Variants in DOCK3 observed in about 807,000 individuals in gnomAD.
DOCK3 encodes the protein dedicator of cytokinesis protein 3.
Under a neutral mutation model 265.6 loss-of-function variants are expected in DOCK3, and 60 were observed. That is an observed-to-expected ratio of 0.23 (90% CI 0.18 to 0.28). The LOEUF (loss-of-function observed/expected upper bound fraction) is 0.28. Ranked by LOEUF, DOCK3 falls within the 10% of genes least tolerant of loss-of-function variation. The probability of loss-of-function intolerance (pLI) is 1.00; values close to 1 mark genes in which losing one functional copy is unlikely to be tolerated. For missense variants in DOCK3, 1,981 were observed against 2,594.3 expected (o/e 0.76, Z 5.14); for synonymous variants, 881 against 938.0 (o/e 0.94, Z 1.11).
intron 9 of DOCK3, among the ~76,000 whole-genome samples, chr3:51,119,696 C>T (rs1393272529): frequency 1.3e-5 from 2 of 151,834 alleles, no homozygotes; most frequent in Admixed American, 1.3e-4. Flanking sequence ...GTCTTCACGA[C>T]TTATTTCAGT....
chr3:51,368,364 C>T (rs759146593), intron 49 of DOCK3, among the ~76,000 whole-genome samples: 12 of 152,180 alleles, frequency 7.9e-5, no homozygotes, highest in Admixed American at 1.3e-4. Context: ...CCTAATACTG[C>T]GCTTTTCCAG....
intron 23 of DOCK3, among the ~76,000 whole-genome samples, chr3:51,270,431 G>C (rs1467375874): frequency 6.6e-6 from 1 of 152,060 alleles, no homozygotes; most frequent in Non-Finnish European, 1.5e-5. Context: ...CTTGAGTTTG[G>C]AACCAAAATT....
intron 32 of DOCK3, among the ~76,000 whole-genome samples, chr3:51,320,588 A>G (rs6445624): frequency 0.87 from 132,740 of 152,182 alleles, 57,993 homozygotes; most frequent in East Asian, 0.94. Context: ...TGAAATTCTC[A>G]CTGCCAGCAC....
intron 40 of DOCK3, among the ~76,000 whole-genome samples, chr3:51,353,202 C>T (rs1269222320): frequency 6.6e-6 from 1 of 152,216 alleles, no homozygotes; most frequent in African/African-American, 2.4e-5. Context: ...GTAGAAATAT[C>T]TCTGTCCTTT....
chr3:51,096,543 C>T (rs774942043), intron 9 of DOCK3, among the ~76,000 whole-genome samples: 11 of 152,180 alleles, frequency 7.2e-5, no homozygotes, highest in Non-Finnish European at 1.5e-4. Flanking sequence ...AGCAATTCCT[C>T]TAATCTTTTT....
chr3:51,002,125 G>A (rs1298877604), intron 5 of DOCK3, among the ~76,000 whole-genome samples: 2 of 147,820 alleles, frequency 1.4e-5, no homozygotes, highest in Non-Finnish European at 3.0e-5. Context: ...TTTTTTTTTT[G>A]TTTGGTAGAG....
chr3:51,147,687 T>A (rs1006519395), intron 10 of DOCK3, among the ~76,000 whole-genome samples: 1 of 152,252 alleles, frequency 6.6e-6, no homozygotes, highest in Non-Finnish European at 1.5e-5. Context: ...TTTTTATGGC[T>A]GAATAGTATT....
intron 5 of DOCK3, among the ~76,000 whole-genome samples, chr3:50,996,093 C>T (rs540190994): frequency 2.1e-3 from 316 of 151,838 alleles, no homozygotes; most frequent in Non-Finnish European, 3.6e-3. Flanking sequence ...AGGCTGGTCT[C>T]GAACTCCTGA....
chr3:50,823,787 G>A (rs956853175), intron 2 of DOCK3, among the ~76,000 whole-genome samples: 5 of 152,244 alleles, frequency 3.3e-5, no homozygotes, highest in African/African-American at 1.2e-4. Flanking sequence ...GGCTGGCCGG[G>A]CCGGGGGGCT....
intron 33 of DOCK3, 122 bp downstream of exon 33, chr3:51,330,345 T>C (rs1257794714): frequency 3.8e-6 from 3 of 798,456 alleles, no homozygotes; most frequent in Non-Finnish European, 5.8e-6. Flanking sequence ...GGACCTGGGT[T>C]GTTCCTGATG....
chr3:51,013,648 G>T (rs555267470), intron 5 of DOCK3, among the ~76,000 whole-genome samples: 3 of 152,342 alleles, frequency 2.0e-5, no homozygotes, highest in Admixed American at 2.0e-4. Context: ...TGAGTAGGCA[G>T]TCGGTCCGTT....
intron 1 of DOCK3, among the ~76,000 whole-genome samples, chr3:50,737,966 T>C (rs2038751214): frequency 6.6e-6 from 1 of 152,214 alleles, no homozygotes; most frequent in Non-Finnish European, 1.5e-5. Flanking sequence ...TTTGTGATCC[T>C]CTTGGCCTTG....
intron 1 of DOCK3, among the ~76,000 whole-genome samples, chr3:50,724,674 C>T (rs561593919): frequency 1.1e-4 from 15 of 138,822 alleles, no homozygotes; most frequent in East Asian, 2.3e-4. Context: ...CATCACACAC[C>T]GGGGCCTGTC....
intron 1 of DOCK3, among the ~76,000 whole-genome samples, chr3:50,685,099 A>G (rs2034689253): frequency 6.6e-6 from 1 of 152,078 alleles, no homozygotes; most frequent in African/African-American, 2.4e-5. Context: ...TTGTCTTATA[A>G]TCTACTTTTA....
chr3:51,217,497 A>C (rs1312619005), intron 14 of DOCK3, among the ~76,000 whole-genome samples: 2 of 152,220 alleles, frequency 1.3e-5, no homozygotes, highest in Non-Finnish European at 2.9e-5. Context: ...AAGAACAAAT[A>C]GATATGAGAA....
chr3:50,963,172 G>C (rs2076939041), intron 5 of DOCK3, among the ~76,000 whole-genome samples: 1 of 152,212 alleles, frequency 6.6e-6, no homozygotes, highest in South Asian at 2.1e-4. Flanking sequence ...GTGACAGTGA[G>C]ACTGTCTCAA....
At chr3:51,331,580 T>C (rs1055359108) in intron 33 of DOCK3, among the ~76,000 whole-genome samples, 3 of 151,248 alleles carry the variant, frequency 2.0e-5, no homozygotes, top group African/African-American at 7.3e-5. Flanking sequence ...AAGTAAATCA[T>C]GGGTGAATTA....
At chr3:50,771,786 G>C (rs1422988844) in intron 1 of DOCK3, among the ~76,000 whole-genome samples, 1 of 152,206 alleles carries the variant, frequency 6.6e-6, no homozygotes. Flanking sequence ...GGGAGGCGGA[G>C]CTTGCACTGA....
intron 4 of DOCK3, among the ~76,000 whole-genome samples, chr3:50,906,409 G>A (rs1447203246): frequency 6.6e-6 from 1 of 151,786 alleles, no homozygotes; most frequent in Admixed American, 6.6e-5. Flanking sequence ...TTTTTTGGTT[G>A]GGAGGCTATT....
Sources: allele counts gnomAD v4.1 joint callset (sites outside exome capture counted in the v4.1 genomes callset), GRCh38; gene constraint gnomAD v4.1.1; transcripts MANE v1.5; gene names NCBI Gene and HGNC (gene_info 2026-07-23, HGNC 2026-07-21).